Variants in NCKAP5 observed in about 807,000 individuals in gnomAD.
NCKAP5 encodes NCK associated protein 5.
A neutral mutation model predicts 167.0 loss-of-function variants in NCKAP5; 92 were observed. That is an observed-to-expected ratio of 0.55 (90% CI 0.47 to 0.66). The LOEUF (loss-of-function observed/expected upper bound fraction) is 0.66. NCKAP5 is among the 30% of genes least tolerant of loss of function. The pLI, the probability that NCKAP5 is intolerant of heterozygous loss-of-function variation, is 0.00. For synonymous variants in NCKAP5, 891 were observed against 877.4 expected (o/e 1.02, Z -0.27); for missense variants, 2,378 against 2,315.0 (o/e 1.03, Z -0.56).
intron 5 of NCKAP5, among the ~76,000 whole-genome samples, chr2:133,196,309 A>G (rs1266252037): frequency 6.6e-6 from 1 of 152,202 alleles, no homozygotes; most frequent in Non-Finnish European, 1.5e-5. Context: ...TGGGCTTCCA[A>G]TAAGTACTAG....
At chr2:132,831,275 T>C (rs1687505141) in intron 11 of NCKAP5, among the ~76,000 whole-genome samples, 1 of 152,166 alleles carries the variant, frequency 6.6e-6, no homozygotes, top group South Asian at 2.1e-4. Context: ...AAAACTTAAA[T>C]ATCTACTTGT....
chr2:133,369,232 A>C (rs1280828220), intron 3 of NCKAP5, among the ~76,000 whole-genome samples: 1 of 152,212 alleles, frequency 6.6e-6, no homozygotes, highest in Non-Finnish European at 1.5e-5. Context: ...TGTAGGGTGG[A>C]TAGGCAGGTG....
At chr2:133,129,852 TA>T in intron 6 of NCKAP5, 125 bp downstream of exon 6, 1 of 1,160,660 alleles carries the variant, frequency 8.6e-7, no homozygotes, top group Non-Finnish European at 1.2e-6. Flanking sequence ...ACAGAAGGTC[TA>T]AATGGTTGGT....
intron 3 of NCKAP5, among the ~76,000 whole-genome samples, chr2:133,352,229 A>G (rs1396668151): frequency 1.3e-5 from 2 of 152,000 alleles, no homozygotes; most frequent in East Asian, 1.9e-4. Context: ...ATTACCTTCT[A>G]TACATTTTCG....
At chr2:133,458,964 G>C (rs1258371163) in intron 3 of NCKAP5, among the ~76,000 whole-genome samples, 4 of 152,198 alleles carry the variant, frequency 2.6e-5, no homozygotes, top group African/African-American at 2.4e-5. Flanking sequence ...GCCTAAGAAA[G>C]AGTTGAATCA....
intron 3 of NCKAP5, among the ~76,000 whole-genome samples, chr2:133,345,180 C>G (rs561815381): frequency 1.3e-5 from 2 of 152,056 alleles, no homozygotes; most frequent in African/African-American, 2.4e-5. Flanking sequence ...TTTCACCACC[C>G]GGGAAATGAG....
At chr2:132,927,807 A>ATCAGGCATAAGATCAAAC in intron 8 of NCKAP5, among the ~76,000 whole-genome samples, 1 of 152,142 alleles carries the variant, frequency 6.6e-6, no homozygotes, top group South Asian at 2.1e-4. Context: ...AGATCATATC[A>ATCAGGCATAAGATCAAAC]TCAGTGAACA....
At chr2:133,647,329 C>CAAAAAAA in the NCKAP5 span, among the ~76,000 whole-genome samples, 10 of 104,132 alleles carry the variant, frequency 9.6e-5, 1 homozygote, top group East Asian at 4.7e-4. Context: ...AGAGCAAGAC[C>CAAAAAAA]GAAAAAAGAA....
intron 7 of NCKAP5, among the ~76,000 whole-genome samples, chr2:132,990,448 T>C (rs2077417613): frequency 2.0e-5 from 3 of 152,324 alleles, no homozygotes; most frequent in Non-Finnish European, 4.4e-5. Flanking sequence ...TGCTGCTTAG[T>C]GTGACAGAAT....
At chr2:133,279,310 G>A (rs1303014302) in intron 4 of NCKAP5, among the ~76,000 whole-genome samples, 1 of 152,062 alleles carries the variant, frequency 6.6e-6, no homozygotes, top group Non-Finnish European at 1.5e-5. Context: ...TGGCTTATCC[G>A]TCAGGTTTGG....
intron 3 of NCKAP5, among the ~76,000 whole-genome samples, chr2:133,464,237 C>G (rs1331363038): frequency 6.6e-6 from 1 of 152,132 alleles, no homozygotes; most frequent in Non-Finnish European, 1.5e-5. Flanking sequence ...CACATGAGTC[C>G]TTCTTTATTA....
chr2:132,673,230 T>G lies in NCKAP5; in HGVS notation c.*59A>C. 6.8e-7 allele frequency: 1 copy of G among 1,478,946 alleles called. No individual in the cohort carries two copies. Among genetic ancestry groups the G allele is most frequent in the Non-Finnish European group, 8.9e-7 (1 of 1,118,114 alleles). The allele number at this position is 1,478,946 out of a possible 1,614,324, so 91.6% of individuals were successfully genotyped here. Reference sequence around the variant, plus strand: ...AAAATCACAGTATTGCTGTTAAATTTATTGAATGACTCTAGGGAAATTTTC... The same window carrying G: ...AAAATCACAGTATTGCTGTTAAATTGATTGAATGACTCTAGGGAAATTTTC... On this transcript the variant is annotated 3_prime_UTR_variant, in exon 20 of 20. Transcript: ENST00000409261.
At chr2:133,552,451 T>C (rs1023949295) in intron 2 of NCKAP5, among the ~76,000 whole-genome samples, 4 of 147,570 alleles carry the variant, frequency 2.7e-5, no homozygotes, top group African/African-American at 7.5e-5. Flanking sequence ...TGTAGCGACA[T>C]GGATGAAATT....
At chr2:132,958,304 A>C (rs184578228) in intron 8 of NCKAP5, among the ~76,000 whole-genome samples, 8 of 152,152 alleles carry the variant, frequency 5.3e-5, no homozygotes, top group Non-Finnish European at 1.0e-4. Flanking sequence ...TATGATTATC[A>C]TTCCCTATTA....
intron 8 of NCKAP5, among the ~76,000 whole-genome samples, chr2:132,945,745 A>G (rs1416523865): frequency 6.6e-6 from 1 of 152,214 alleles, no homozygotes. Flanking sequence ...GTTACTTTTT[A>G]TTTAATCCAT....
At chr2:133,647,768 A>G in the NCKAP5 span, among the ~76,000 whole-genome samples, 1 of 131,766 alleles carries the variant, frequency 7.6e-6, no homozygotes, top group Admixed American at 8.0e-5. Flanking sequence ...GAAAAGAAAA[A>G]AGAAAAGAAA....
intron 7 of NCKAP5, among the ~76,000 whole-genome samples, chr2:132,978,172 T>C (rs776979762): frequency 6.6e-6 from 1 of 152,216 alleles, no homozygotes; most frequent in African/African-American, 2.4e-5. Flanking sequence ...ATCCAAAACC[T>C]GGGTAACCAG....
chr2:133,194,421 C>G (rs995606864), intron 5 of NCKAP5, among the ~76,000 whole-genome samples: 4 of 152,060 alleles, frequency 2.6e-5, no homozygotes, highest in Non-Finnish European at 4.4e-5. Flanking sequence ...GCATCAGGAA[C>G]CAACAAGTCA....
intron 8 of NCKAP5, among the ~76,000 whole-genome samples, chr2:132,942,744 C>T (rs1361174724): frequency 6.6e-6 from 1 of 152,124 alleles, no homozygotes; most frequent in Non-Finnish European, 1.5e-5. Context: ...AGGTATTCCG[C>T]TACATCAAGC....
Sources: allele counts gnomAD v4.1 joint callset (sites outside exome capture counted in the v4.1 genomes callset), GRCh38; gene constraint gnomAD v4.1.1; transcripts MANE v1.5; gene names NCBI Gene and HGNC (gene_info 2026-07-23, HGNC 2026-07-21).